Variants in COMMD1 observed in about 807,000 individuals in gnomAD.
The protein encoded by COMMD1 is COMM domain-containing protein 1.
COMMD1 carries 10 observed loss-of-function variants against 17.2 expected under a neutral mutation model. That is an observed-to-expected ratio of 0.58 (90% CI 0.36 to 0.99). The LOEUF (loss-of-function observed/expected upper bound fraction) is 0.99. Among genes scored for constraint, COMMD1 ranks in the 50% least tolerant of loss-of-function variants. COMMD1 has a pLI of 0.01. For missense variants in COMMD1, 270 were observed against 231.8 expected, an observed-to-expected ratio of 1.17 and a Z score of -1.07; for synonymous variants, 97 against 91.6, an observed-to-expected ratio of 1.06 and a Z score of -0.34.
Position 62,018,924 on chromosome 2 carries a change from G to A in COMMD1, c.462+17942G>A, listed in dbSNP as rs562946446. ...GCCTGGTCTCTGCTGCCAAGAGGGT[G>A]CCTTGAATACTGCATCCTCCAGAGA... On this transcript the variant is annotated intron_variant, in intron 2 of 2. Transcript: ENST00000311832. Among the ~76,000 whole-genome samples, 15 of 152,262 alleles carry A rather than the reference G, an allele frequency of 9.9e-5. No homozygotes were observed. The South Asian group carries it at 2.9e-3, about 29-fold the overall frequency.
intron 2 of COMMD1, among the ~76,000 whole-genome samples, chr2:62,012,066 G>A (rs901414820): frequency 6.6e-6 from 1 of 152,008 alleles, no homozygotes; most frequent in African/African-American, 2.4e-5. Context: ...TGGCCAACCT[G>A]GTGAAACTCC....
intron 2 of COMMD1, among the ~76,000 whole-genome samples, chr2:62,104,422 T>TC (rs1672266760): frequency 6.6e-6 from 1 of 150,810 alleles, no homozygotes; most frequent in Non-Finnish European, 1.5e-5. Context: ...TCACCTGAGG[T>TC]CAGGAGTTCA....
chr2:62,015,864 G>A (rs570124009), intron 2 of COMMD1, among the ~76,000 whole-genome samples: 12 of 152,032 alleles, frequency 7.9e-5, no homozygotes, highest in African/African-American at 2.7e-4. Context: ...CAAGAGTCTT[G>A]CTCCATCTCC....
intron 1 of COMMD1, among the ~76,000 whole-genome samples, chr2:61,943,207 G>A (rs1202944543): frequency 1.3e-5 from 2 of 152,180 alleles, no homozygotes; most frequent in Non-Finnish European, 1.5e-5. Flanking sequence ...TAAAATGTGC[G>A]CAAGAACAGA....
At chr2:62,072,127 T>C (rs1236702084) in intron 2 of COMMD1, among the ~76,000 whole-genome samples, 1 of 152,100 alleles carries the variant, frequency 6.6e-6, no homozygotes, top group East Asian at 1.9e-4. Context: ...TATATGTATA[T>C]ATTCTTTTAT....
At chr2:61,922,653 T>A (rs180862537) in intron 1 of COMMD1, among the ~76,000 whole-genome samples, 1 of 152,130 alleles carries the variant, frequency 6.6e-6, no homozygotes, top group African/African-American at 2.4e-5. Context: ...ATTTGCGAGG[T>A]TTATTTCTTT....
chr2:61,922,084 C>T (rs970256096), intron 1 of COMMD1, among the ~76,000 whole-genome samples: 1 of 151,914 alleles, frequency 6.6e-6, no homozygotes, highest in Non-Finnish European at 1.5e-5. Context: ...GTTTTATAGC[C>T]CTTTTAATAC....
At chr2:62,080,917 T>C (rs899433071) in intron 2 of COMMD1, among the ~76,000 whole-genome samples, 3 of 152,098 alleles carry the variant, frequency 2.0e-5, no homozygotes, top group Admixed American at 2.0e-4. Context: ...TTTTAATAGC[T>C]GCATAATACT....
At chr2:61,929,523 T>G (rs1558525046) in intron 1 of COMMD1, among the ~76,000 whole-genome samples, 1 of 152,202 alleles carries the variant, frequency 6.6e-6, no homozygotes, top group Non-Finnish European at 1.5e-5. Context: ...TCTTTTGCCC[T>G]ATCATATTTC....
intron 1 of COMMD1, among the ~76,000 whole-genome samples, chr2:61,934,125 G>A (rs1174975514): frequency 2.0e-5 from 3 of 152,102 alleles, no homozygotes; most frequent in Non-Finnish European, 2.9e-5. Context: ...AACTATATAT[G>A]TTTAAATACA....
chr2:61,954,607 A>T (rs977705384), intron 1 of COMMD1, among the ~76,000 whole-genome samples: 3 of 152,168 alleles, frequency 2.0e-5, no homozygotes, highest in African/African-American at 7.2e-5. Context: ...GCAACATTTT[A>T]TAAAACTGTA....
At chr2:62,123,055 T>C (rs1273725961) in intron 2 of COMMD1, among the ~76,000 whole-genome samples, 1 of 152,114 alleles carries the variant, frequency 6.6e-6, no homozygotes, top group Non-Finnish European at 1.5e-5. Flanking sequence ...CCTTGGTAAC[T>C]GAGTGATTAG....
chr2:62,096,521 T>C (rs1042169648), intron 2 of COMMD1, among the ~76,000 whole-genome samples: 1 of 152,174 alleles, frequency 6.6e-6, no homozygotes, highest in African/African-American at 2.4e-5. Flanking sequence ...TGTGTGTTGT[T>C]TTTTTCCCCC....
chr2:62,129,787 A>T (rs1349213147), intron 2 of COMMD1, among the ~76,000 whole-genome samples: 1 of 152,146 alleles, frequency 6.6e-6, no homozygotes, highest in East Asian at 1.9e-4. Flanking sequence ...CACAGAAGAC[A>T]GTTGCAGAGT....
chr2:62,011,304 C>T (rs1669271230), intron 2 of COMMD1, among the ~76,000 whole-genome samples: 2 of 152,190 alleles, frequency 1.3e-5, no homozygotes, highest in Non-Finnish European at 2.9e-5. Context: ...AACACCAGTA[C>T]AGTCAAGAAC....
chr2:61,902,278 C>T (rs1277523750), upstream of COMMD1, among the ~76,000 whole-genome samples: 1 of 151,810 alleles, frequency 6.6e-6, no homozygotes, highest in African/African-American at 2.4e-5. Flanking sequence ...GAGGCCGAGG[C>T]AGGTGGATCA....
At chr2:61,936,313 G>A (rs1199610133) in intron 1 of COMMD1, among the ~76,000 whole-genome samples, 2 of 152,082 alleles carry the variant, frequency 1.3e-5, no homozygotes, top group African/African-American at 4.8e-5. Flanking sequence ...GGTCTCTGAG[G>A]CAGTCACTTA....
chr2:62,021,429 A>G lies in COMMD1; in HGVS notation c.462+20447A>G, dbSNP rs2103856255. Reference sequence around the variant, plus strand: ...AGATTGAGGAGCAGAAGGAAAGCTAAGGGTGGAGCTTTGAGAAATGTGTAT... The same window carrying G: ...AGATTGAGGAGCAGAAGGAAAGCTAGGGGTGGAGCTTTGAGAAATGTGTAT... On this transcript the variant is annotated intron_variant, in intron 2 of 2. Coordinates refer to ENST00000311832, the MANE Select transcript of COMMD1 (RefSeq NM_152516.4). Among the ~76,000 whole-genome samples, 2 of 152,300 alleles carry G rather than the reference A, an allele frequency of 1.3e-5. 1 individual carries two copies.
intron 1 of COMMD1, among the ~76,000 whole-genome samples, chr2:61,990,957 G>A (rs1381759248): frequency 6.8e-6 from 1 of 147,416 alleles, no homozygotes; most frequent in Non-Finnish European, 1.5e-5. Flanking sequence ...CAGGCATGGT[G>A]GTGCATGCTT....
Sources: gnomAD v4.1 joint callset for allele counts (sites outside exome capture counted in the v4.1 genomes callset) on GRCh38, gnomAD v4.1.1 for gene constraint, MANE v1.5 for transcripts, NCBI Gene and HGNC (gene_info 2026-07-23, HGNC 2026-07-21) for gene names.